The following IQCE variants were observed in gnomAD, a reference collection of about 807,000 sequenced individuals.
The protein encoded by IQCE is IQ motif containing E.
A neutral mutation model predicts 96.0 loss-of-function variants in IQCE; 115 were observed. The ratio of observed to expected loss-of-function variants is 1.20; its 90% CI spans 1.03 to 1.40. The LOEUF is 1.40. Ranked by LOEUF, IQCE falls within the 40% of genes most tolerant of loss-of-function variation. IQCE has a pLI of 0.00. For missense variants in IQCE, 1,041 were observed against 909.1 expected (o/e 1.15, Z -1.87); for synonymous variants, 412 against 371.2 (o/e 1.11, Z -1.26).
chr7:2,559,341 C>T (rs939028891), intron 1 of IQCE, 124 bp downstream of exon 1: 6 of 424,484 alleles, frequency 1.4e-5, no homozygotes, highest in South Asian at 2.3e-4. Context: ...GGCGCACGGC[C>T]GGGTGACAGC....
intron 1 of IQCE, among the ~76,000 whole-genome samples, chr7:2,559,765 T>TGGGG (rs59372092): frequency 1.8e-3 from 61 of 34,846 alleles, no homozygotes; most frequent in Non-Finnish European, 2.4e-3. Context: ...TGCATTCCAG[T>TGGGG]GGGGGGGGGG....
At chr7:2,595,069 ACCAGCCACT>A in intron 16 of IQCE, 93 bp downstream of exon 16, 1 of 844,124 alleles carries the variant, frequency 1.2e-6, no homozygotes, top group South Asian at 1.4e-5. Flanking sequence ...GTTTTTTCTG[ACCAGCCACT>A]GAAAATCCCA....
chr7:2,605,681 C>T (rs1036326136), intron 19 of IQCE, among the ~76,000 whole-genome samples, 195 bp from the exon 20 acceptor site: 1 of 150,992 alleles, frequency 6.6e-6, no homozygotes, highest in Non-Finnish European at 1.5e-5. Context: ...AATAAGAATC[C>T]CTACAGTTTA....
chr7:2,608,933 G>GA (rs1194020013), intron 21 of IQCE, among the ~76,000 whole-genome samples: 5 of 151,942 alleles, frequency 3.3e-5, no homozygotes, highest in African/African-American at 7.2e-5. Flanking sequence ...AAAGTTGCAG[G>GA]AAAAAAAAGC....
intron 16 of IQCE, 103 bp downstream of exon 16, chr7:2,595,079 G>A (rs570605744): frequency 5.1e-6 from 4 of 782,370 alleles, no homozygotes; most frequent in East Asian, 5.0e-5. Flanking sequence ...ACCAGCCACT[G>A]AAAATCCCAC....
At chr7:2,581,758 G>A (rs1423888504) in intron 8 of IQCE, among the ~76,000 whole-genome samples, 1 of 148,280 alleles carries the variant, frequency 6.7e-6, no homozygotes, top group Non-Finnish European at 1.5e-5. Context: ...CACCCACGCT[G>A]GAGTGCAGTG....
At chr7:2,605,048 CTCCA>C (rs1271913044) in intron 19 of IQCE, 57 bp downstream of exon 19, 5 of 1,226,700 alleles carry the variant, frequency 4.1e-6, no homozygotes, top group East Asian at 2.4e-5. Flanking sequence ...TCGTCTCGCA[CTCCA>C]TCCATCGAGA....
At chr7:2,584,086 T>A (rs1470960399) in intron 10 of IQCE, 150 bp from the exon 11 acceptor site, 1 of 735,718 alleles carries the variant, frequency 1.4e-6, no homozygotes, top group East Asian at 2.6e-5. Flanking sequence ...AGCCTGCTCC[T>A]GCTTCAGCCC....
At chr7:2,589,229 G>A (rs987861302) in intron 13 of IQCE, among the ~76,000 whole-genome samples, 8 of 151,358 alleles carry the variant, frequency 5.3e-5, no homozygotes, top group Non-Finnish European at 8.9e-5. Context: ...TTAGCCTGGT[G>A]TGGTGGTGCA....
intron 18 of IQCE, among the ~76,000 whole-genome samples, chr7:2,602,172 A>G (rs910415859): frequency 3.3e-5 from 5 of 152,170 alleles, no homozygotes; most frequent in African/African-American, 1.2e-4. Flanking sequence ...TGGGCCTCGC[A>G]GGATACATCA....
Position 2,559,153 on chromosome 7 carries a change from C to G in IQCE, c.-29C>G. 8.2e-7 allele frequency: 1 copy of G among 1,213,288 alleles called. No homozygotes were observed. Among genetic ancestry groups the G allele is most frequent in the Non-Finnish European group, 1.0e-6 (1 of 975,472 alleles). The allele number at this position is 1,213,288 out of a possible 1,614,324, so 75.2% of individuals were successfully genotyped here. A position where few individuals can be genotyped will look rare whatever the true frequency, so the allele number is the denominator to read the frequency against. The stretch of plus-strand genomic sequence containing the variant: ...GACCCGGACGCCCGAGCCAGCAACC[C>G]TGAGGGGCGGCCGGGCAGCGCCGCC... On this transcript the variant is annotated 5_prime_UTR_variant, in exon 1 of 22. Transcript: ENST00000402050.
At position 2,613,839 on chromosome 7, in the gene IQCE, GAAGACCACC is replaced by G. The variant is rs763794135; in HGVS notation, c.*3687_*3695del. ...AGGCAGAAGAGGTGGAAGGGCCAGA[GAAGACCACC>G]AAGACCACCGTTCCCGCAGGCCTGG... On this transcript the variant is annotated 3_prime_UTR_variant, in exon 22 of 22. Transcript: ENST00000402050. The G allele has an allele frequency of 6.6e-6, 1 of 152,268 alleles. No individual in the cohort carries two copies. Among genetic ancestry groups the G allele is most frequent in the Non-Finnish European group, 1.5e-5 (1 of 68,086 alleles). The allele number at this position is 152,268 out of a possible 1,614,324, so 9.4% of individuals were successfully genotyped here. A position where few individuals can be genotyped will look rare whatever the true frequency, so the allele number is the denominator to read the frequency against.
intron 1 of IQCE, among the ~76,000 whole-genome samples, chr7:2,563,507 C>T (rs1214648946): frequency 6.6e-6 from 1 of 151,688 alleles, no homozygotes; most frequent in East Asian, 1.9e-4. Flanking sequence ...CACGCCCGGC[C>T]CTGCTTTTGT....
At chr7:2,577,859 C>T (rs1226269605) in intron 6 of IQCE, among the ~76,000 whole-genome samples, 1 of 141,494 alleles carries the variant, frequency 7.1e-6, no homozygotes, top group African/African-American at 2.6e-5. Context: ...GTGTGCGTGG[C>T]TGTGCGCGCG....
At chr7:2,581,290 C>T (rs1347926465) in intron 8 of IQCE, among the ~76,000 whole-genome samples, 1 of 151,946 alleles carries the variant, frequency 6.6e-6, no homozygotes, top group Non-Finnish European at 1.5e-5. Flanking sequence ...ACTGCACCCT[C>T]CACTTCCCAT....
intron 21 of IQCE, among the ~76,000 whole-genome samples, chr7:2,609,104 G>A (rs549448981): frequency 7.8e-4 from 119 of 152,194 alleles, no homozygotes; most frequent in African/African-American, 2.5e-3. Flanking sequence ...GGTAGGACCC[G>A]TCCCTTCTTC....
At chr7:2,582,772 G>C in intron 9 of IQCE, 122 bp downstream of exon 9, 1 of 747,224 alleles carries the variant, frequency 1.3e-6, no homozygotes, top group Non-Finnish European at 2.3e-6. Flanking sequence ...AGCCGAAGGT[G>C]AATGTTAGCT....
chr7:2,573,467 C>A lies in IQCE; in HGVS notation c.444C>A (p.Asp148Glu). 6.5e-7 allele frequency: 1 copy of A among 1,541,586 alleles called. No individual in the cohort carries two copies. Among genetic ancestry groups the A allele is most frequent in the Non-Finnish European group, 9.0e-7 (1 of 1,114,928 alleles). Residue 148 changes from aspartate (D) to glutamate (E), a missense_variant, in exon 6 of 22, where the codon GAC becomes GAA. Coordinates refer to ENST00000402050, the MANE Select transcript of IQCE (RefSeq NM_152558.5). ...PVYREKEDMY[D>E]EIIELKKSLH... Reference sequence around the variant, plus strand: ...ACAGAGAAAAAGAAGATATGTATGACGAGATTATTGAGTTAAAGAAGGTAG... The same window carrying A: ...ACAGAGAAAAAGAAGATATGTATGAAGAGATTATTGAGTTAAAGAAGGTAG...
Position 2,579,729 on chromosome 7 carries a change from G to GTGTGTGTC in IQCE, c.630+1210_630+1211insCTGTGTGT, listed in dbSNP as rs1554307275. Among the ~76,000 whole-genome samples the GTGTGTGTC allele has an allele frequency of 3.8e-3, 558 of 147,896 alleles. 8 individuals carry two copies. The highest frequency in any genetic ancestry group is 8.5e-3 in the East Asian group (43 of 5,070). On this transcript the variant is annotated intron_variant, in intron 8 of 21. Transcript: ENST00000402050. ...TGTGTGTGTGTGTGTGTGTGTGTGTGTGTGTGTGTCTGTGGGTATTTTTTT... is the reference window on the plus strand; with the variant it reads ...TGTGTGTGTGTGTGTGTGTGTGTGTGTGTGTGTCTGTGTGTGTCTGTGGGTATTTTTTT...
Sources: gnomAD v4.1 joint callset for allele counts (sites outside exome capture counted in the v4.1 genomes callset) on GRCh38, gnomAD v4.1.1 for gene constraint, MANE v1.5 for transcripts, NCBI Gene and HGNC (gene_info 2026-07-23, HGNC 2026-07-21) for gene names.